The following ALLC variants were observed in gnomAD, a reference collection of about 807,000 sequenced individuals.
The protein encoded by ALLC is allantoicase, also known as probable inactive allantoicase.
Under a neutral mutation model 45.0 loss-of-function variants are expected in ALLC, and 40 were observed. That is an observed-to-expected ratio of 0.89 (90% CI 0.69 to 1.16). The LOEUF (loss-of-function observed/expected upper bound fraction) is 1.16, where lower values mean the gene tolerates loss of function less well. ALLC is among the 50% of genes most tolerant of loss of function. The pLI is 0.00. For missense variants in ALLC, 488 were observed against 493.1 expected (o/e 0.99, Z 0.10); for synonymous variants, 176 against 178.1 (o/e 0.99, Z 0.09).
chr2:3,646,392 C>T, the ALLC span, among the ~76,000 whole-genome samples: 1 of 152,232 alleles, frequency 6.6e-6, no homozygotes, highest in Non-Finnish European at 1.5e-5. Flanking sequence ...ACCCATGAAC[C>T]TGGGACTGTA....
rs762923370 is a variant in ALLC at position 3,683,013 on chromosome 2, C to G, written c.450C>G (p.His150Gln). 5.6e-6 allele frequency: 9 copies of G among 1,613,864 alleles called. No individual in the cohort carries two copies. Among genetic ancestry groups the G allele is most frequent in the Middle Eastern group, 3.3e-4 (2 of 6,084 alleles). ...ELKPGNPASG[H>Q]NYFLVNSQQR... The stretch of plus-strand genomic sequence containing the variant: ...AGCCAGGAAACCCTGCTTCCGGCCA[C>G]AACTATTTTCTTGTCAATTCCCAGC... Residue 150 changes from histidine to glutamine, a missense_variant, in exon 7 of 12, where the codon CAC becomes CAG. Coordinates refer to ENST00000252505, the MANE Select transcript of ALLC (RefSeq NM_018436.4).
At chr2:3,681,030 G>A (rs1667162604) in intron 5 of ALLC, among the ~76,000 whole-genome samples, 1 of 152,106 alleles carries the variant, frequency 6.6e-6, no homozygotes, top group African/African-American at 2.4e-5. Context: ...ATGTACTTAG[G>A]GAAGATAAGT....
At chr2:3,666,905 C>T (rs1666740854) in intron 1 of ALLC, among the ~76,000 whole-genome samples, 2 of 152,110 alleles carry the variant, frequency 1.3e-5, no homozygotes, top group African/African-American at 4.8e-5. Flanking sequence ...GCAGGGAGGC[C>T]GCAGGTGCCT....
chr2:3,699,793 G>A (rs1667777323), intron 10 of ALLC, among the ~76,000 whole-genome samples: 1 of 152,120 alleles, frequency 6.6e-6, no homozygotes, highest in Admixed American at 6.5e-5. Flanking sequence ...CTGCATGTAT[G>A]TCTTCTTTTG....
chr2:3,697,277 G>T, intron 9 of ALLC, 71 bp from the exon 10 acceptor site: 1 of 1,148,316 alleles, frequency 8.7e-7, no homozygotes, highest in Non-Finnish European at 1.3e-6. Flanking sequence ...TTTTTCACCT[G>T]TTGGTTTTCG....
intron 1 of ALLC, among the ~76,000 whole-genome samples, chr2:3,667,297 T>C (rs1232396898): frequency 6.6e-6 from 1 of 152,212 alleles, no homozygotes. Flanking sequence ...TCCCCTCCAC[T>C]GCACCACGAG....
chr2:3,682,726 C>T (rs373274169), intron 6 of ALLC, among the ~76,000 whole-genome samples: 135 of 152,256 alleles, frequency 8.9e-4, no homozygotes, highest in African/African-American at 2.2e-3. Flanking sequence ...GGGGTTTCAC[C>T]GTGTTAGCCA....
At chr2:3,693,006 C>T (rs902817837) in intron 7 of ALLC, among the ~76,000 whole-genome samples, 5 of 152,162 alleles carry the variant, frequency 3.3e-5, no homozygotes, top group African/African-American at 1.2e-4. Flanking sequence ...GGAAGACAGC[C>T]CTGCAACCAT....
chr2:3,673,181 C>A (rs1191862623), intron 2 of ALLC, among the ~76,000 whole-genome samples: 2 of 152,184 alleles, frequency 1.3e-5, no homozygotes, highest in African/African-American at 4.8e-5. Context: ...AGCAAGGGAG[C>A]CCACATGCTC....
rs116784412 is a variant in ALLC at position 3,662,986 on chromosome 2, T to C, written c.-63+4692T>C. On this transcript the variant is annotated intron_variant, in intron 1 of 11. Transcript: ENST00000252505. ...GTCAGAGGAAGACATGAGTTCACTT[T>C]CCATGGGGAGTATGGAAACATAGTG... Among the ~76,000 whole-genome samples the C allele has an allele frequency of 4.4e-3, 673 of 152,322 alleles. 3 individuals carry two copies. Among genetic ancestry groups the C allele is most frequent in the African/African-American group, 0.015 (642 of 41,568 alleles).
In ALLC at chr2:3,680,298, G is replaced by A. The variant is rs931259633; in HGVS notation, c.298+304G>A. On this transcript the variant is annotated intron_variant, in intron 5 of 11. Transcript: ENST00000252505. This position sits in a 1 kb window ranked among gnomAD's most constrained non-coding sequence, Gnocchi z 4.0. The stretch of plus-strand genomic sequence containing the variant: ...GTGGGTGAGCAGGTTGCTGGTGGGC[G>A]GGAGGGAGTGGTTTGTGCCTCAGAT... 5.3e-5 allele frequency among the ~76,000 whole-genome samples: 8 copies of A among 152,196 alleles called. No individual in the cohort carries two copies. The highest frequency in any genetic ancestry group is 7.2e-5 in the African/African-American group (3 of 41,458).
chr2:3,653,027 T>C, the ALLC span, among the ~76,000 whole-genome samples: 2 of 152,248 alleles, frequency 1.3e-5, no homozygotes, highest in African/African-American at 4.8e-5. This position sits in a 1 kb window ranked among gnomAD's most constrained non-coding sequence, Gnocchi z 4.1. Context: ...GTGGGGTGGC[T>C]GGTCTCCAGT....
intron 7 of ALLC, among the ~76,000 whole-genome samples, chr2:3,686,590 T>G (rs1346324527): frequency 6.6e-6 from 1 of 151,022 alleles, no homozygotes; most frequent in Non-Finnish European, 1.5e-5. Flanking sequence ...ATCTTTCCAT[T>G]TTTTCTGTGT....
chr2:3,662,485 A>G lies in ALLC; in HGVS notation c.-63+4191A>G, dbSNP rs539407892. Among the ~76,000 whole-genome samples, 4 of 152,388 alleles carry G rather than the reference A, an allele frequency of 2.6e-5. No individual in the cohort carries two copies. In the South Asian group the frequency reaches 8.3e-4, roughly 32 times the overall value. ...TGTAATTAGCACATTCCTAGTCATG[A>G]GTGGATGCTTTAGGAATTAGTGGCT... On this transcript the variant is annotated intron_variant, in intron 1 of 11. Coordinates refer to ENST00000252505, the MANE Select transcript of ALLC (RefSeq NM_018436.4).
intron 2 of ALLC, among the ~76,000 whole-genome samples, chr2:3,673,273 C>T (rs1435504770): frequency 3.9e-5 from 6 of 152,320 alleles, no homozygotes; most frequent in Non-Finnish European, 8.8e-5. Flanking sequence ...AGGAGAGGCC[C>T]CATGTGCCCT....
upstream of ALLC, among the ~76,000 whole-genome samples, chr2:3,654,506 G>A (rs1194308471): frequency 6.6e-6 from 1 of 152,222 alleles, no homozygotes; most frequent in African/African-American, 2.4e-5. Flanking sequence ...GGCTGCCCAA[G>A]CTTGCTCCTT....
chr2:3,646,929 G>T, the ALLC span, among the ~76,000 whole-genome samples: 1 of 111,728 alleles, frequency 9.0e-6, no homozygotes, highest in Non-Finnish European at 2.1e-5. Context: ...CAGGCTGTGT[G>T]TGGGGAGGGT....
rs370190116 is a variant in ALLC, at chr2:3,682,898, T to C, written c.379-44T>C. On this transcript the variant is annotated intron_variant, in intron 6 of 11. Coordinates refer to ENST00000252505, the MANE Select transcript of ALLC (RefSeq NM_018436.4). The stretch of plus-strand genomic sequence containing the variant: ...AGAGGCAATAGGATGACAGAATTTA[T>C]TGTTTTCAAGAGCAATTGCTGACAT... The C allele has an allele frequency of 3.7e-6, 6 of 1,602,336 alleles. No homozygotes were observed. In the African/African-American group the frequency reaches 4.0e-5, roughly 11 times the overall value.
intron 1 of ALLC, among the ~76,000 whole-genome samples, chr2:3,668,665 T>C (rs1232727180): frequency 7.5e-6 from 1 of 134,164 alleles, no homozygotes; most frequent in Non-Finnish European, 1.5e-5. Context: ...AAACTCCGCC[T>C]CCTGGGTTCA....
Sources: allele counts gnomAD v4.1 joint callset (sites outside exome capture counted in the v4.1 genomes callset), GRCh38; gene constraint gnomAD v4.1.1; non-coding constraint Gnocchi (gnomAD v3.1); transcripts MANE v1.5; gene names NCBI Gene and HGNC (gene_info 2026-07-23, HGNC 2026-07-21).